Variants in PTPRT observed in about 807,000 individuals in gnomAD.
The protein encoded by PTPRT is receptor-type tyrosine-protein phosphatase T.
Under a neutral mutation model 176.8 loss-of-function variants are expected in PTPRT, and 56 were observed. That is an observed-to-expected ratio of 0.32 (90% CI 0.26 to 0.40). The LOEUF (loss-of-function observed/expected upper bound fraction) is 0.40. PTPRT is among the 10% of genes least tolerant of loss of function. The pLI is 1.00. For synonymous variants in PTPRT, 783 were observed against 739.0 expected (o/e 1.06, Z -0.96); for missense variants, 1,540 against 1,908.2 (o/e 0.81, Z 3.60).
chr20:42,125,745 CA>C (rs1454925532), intron 19 of PTPRT, among the ~76,000 whole-genome samples: 2 of 152,122 alleles, frequency 1.3e-5, no homozygotes. Flanking sequence ...TATAAAATAC[CA>C]AAGTGTATCT....
At chr20:42,057,502 T>G in the PTPRT span, among the ~76,000 whole-genome samples, 4 of 152,300 alleles carry the variant, frequency 2.6e-5, no homozygotes, top group African/African-American at 9.6e-5. Flanking sequence ...AGAGGTTTGA[T>G]TAGATGAACT....
chr20:42,265,276 A>G (rs1432946531), intron 13 of PTPRT, among the ~76,000 whole-genome samples: 4 of 152,074 alleles, frequency 2.6e-5, no homozygotes, highest in Non-Finnish European at 5.9e-5. Context: ...GAGTATGATT[A>G]CAGACTGTCT....
At chr20:42,033,379 G>A in the PTPRT span, among the ~76,000 whole-genome samples, 7 of 152,094 alleles carry the variant, frequency 4.6e-5, no homozygotes, top group Non-Finnish European at 1.0e-4. Flanking sequence ...AAAACATGAT[G>A]CATATAGCTT....
intron 16 of PTPRT, among the ~76,000 whole-genome samples, chr20:42,171,740 T>C (rs2146545408): frequency 6.6e-6 from 1 of 152,252 alleles, no homozygotes; most frequent in East Asian, 1.9e-4. Context: ...ATTTTGTTAC[T>C]TGTTTGATAG....
intron 1 of PTPRT, among the ~76,000 whole-genome samples, chr20:42,919,701 G>A (rs754003495): frequency 6.6e-6 from 1 of 152,194 alleles, no homozygotes; most frequent in Non-Finnish European, 1.5e-5. Flanking sequence ...TAATACAGAA[G>A]CAGAAACCTT....
chr20:42,278,064 G>C (rs1282746526), intron 13 of PTPRT, among the ~76,000 whole-genome samples: 1 of 96,580 alleles, frequency 1.0e-5, no homozygotes, highest in Non-Finnish European at 2.0e-5. Flanking sequence ...CATTAAACAT[G>C]TAAGTAGACT....
At chr20:42,336,400 A>G (rs1464633190) in intron 11 of PTPRT, among the ~76,000 whole-genome samples, 2 of 152,066 alleles carry the variant, frequency 1.3e-5, no homozygotes, top group Non-Finnish European at 2.9e-5. Context: ...AAGAATTAAA[A>G]TGCATTTGCC....
chr20:42,480,044 A>G (rs1342465686), intron 7 of PTPRT, among the ~76,000 whole-genome samples: 1 of 152,284 alleles, frequency 6.6e-6, no homozygotes, highest in East Asian at 1.9e-4. Context: ...TCCCATAGCA[A>G]TGCCACAGAG....
intron 18 of PTPRT, among the ~76,000 whole-genome samples, chr20:42,139,338 A>G (rs562325887): frequency 6.6e-6 from 1 of 152,264 alleles, no homozygotes; most frequent in Admixed American, 6.5e-5. Flanking sequence ...CTCTGTCTCC[A>G]TTTGGGTTCC....
At chr20:42,133,672 C>T (rs6102686) in intron 18 of PTPRT, among the ~76,000 whole-genome samples, 2 of 152,020 alleles carry the variant, frequency 1.3e-5, no homozygotes, top group Non-Finnish European at 2.9e-5. Context: ...AAAAGCAAAC[C>T]TGAATAAACT....
At chr20:43,021,303 G>A (rs936921884) in intron 1 of PTPRT, among the ~76,000 whole-genome samples, 1 of 152,072 alleles carries the variant, frequency 6.6e-6, no homozygotes, top group Non-Finnish European at 1.5e-5. Flanking sequence ...CTAAACACAT[G>A]TTACCTCAAT....
At chr20:42,045,054 T>G in the PTPRT span, among the ~76,000 whole-genome samples, 1 of 152,232 alleles carries the variant, frequency 6.6e-6, no homozygotes, top group Admixed American at 6.5e-5. Flanking sequence ...GAAGATGCTT[T>G]TGACTATGTT....
At chr20:43,171,112 A>G (rs1012952679) in intron 1 of PTPRT, among the ~76,000 whole-genome samples, 3 of 152,234 alleles carry the variant, frequency 2.0e-5, no homozygotes, top group African/African-American at 7.2e-5. Flanking sequence ...TGCAGGTATC[A>G]AGGTCTGTGG....
chr20:42,271,409 T>C (rs923496403), intron 13 of PTPRT, among the ~76,000 whole-genome samples: 1 of 152,208 alleles, frequency 6.6e-6, no homozygotes, highest in Non-Finnish European at 1.5e-5. Flanking sequence ...CTGGGACAGA[T>C]GCCCCTTCTT....
intron 1 of PTPRT, among the ~76,000 whole-genome samples, chr20:43,090,334 C>A (rs1218410974): frequency 6.6e-6 from 1 of 151,024 alleles, no homozygotes; most frequent in Admixed American, 6.6e-5. Flanking sequence ...GTGGCGCCAT[C>A]TCAGCTCACT....
At chr20:42,776,731 A>G (rs987120445) in intron 4 of PTPRT, among the ~76,000 whole-genome samples, 2 of 148,440 alleles carry the variant, frequency 1.3e-5, no homozygotes, top group African/African-American at 2.5e-5. Context: ...TCATATAATT[A>G]TATATGATAT....
chr20:43,031,181 G>A lies in PTPRT; in HGVS notation c.89-145249C>T, dbSNP rs193274397. ...AGGAAAGAGGTGTAATCTTGGGCAA[G>A]GGACCTCCTTTCCACAGAAGGACGT... On this transcript the variant is annotated intron_variant, in intron 1 of 30. Transcript: ENST00000373187. 2.5e-3 allele frequency among the ~76,000 whole-genome samples: 388 copies of A among 152,298 alleles called. 1 individual carries two copies. The highest frequency in any genetic ancestry group is 9.1e-3 in the African/African-American group (377 of 41,562).
At chr20:43,167,589 A>G (rs1445316516) in intron 1 of PTPRT, among the ~76,000 whole-genome samples, 1 of 152,230 alleles carries the variant, frequency 6.6e-6, no homozygotes, top group African/African-American at 2.4e-5. Flanking sequence ...GCAACAGAGC[A>G]TGGTAAAGGT....
At chr20:42,788,858 C>A (rs1425997959) in intron 3 of PTPRT, among the ~76,000 whole-genome samples, 1 of 152,184 alleles carries the variant, frequency 6.6e-6, no homozygotes, top group African/African-American at 2.4e-5. Flanking sequence ...GTGGCTAAGC[C>A]TTTCAAGAAC....
Sources: allele counts gnomAD v4.1 joint callset (sites outside exome capture counted in the v4.1 genomes callset), GRCh38; gene constraint gnomAD v4.1.1; transcripts MANE v1.5; gene names NCBI Gene and HGNC (gene_info 2026-07-23, HGNC 2026-07-21).